The following GYG1 variants were observed in gnomAD, a reference collection of about 807,000 sequenced individuals.
GYG1 encodes glycogenin-1.
In GYG1, 44 loss-of-function variants were observed where a neutral mutation model predicts 41.9. The observed-to-expected ratio is 1.05, with a 90% confidence interval of 0.83 to 1.35. The LOEUF is 1.35. Ranked by LOEUF, GYG1 falls within the 40% of genes most tolerant of loss-of-function variation. The pLI is 0.00. For synonymous variants in GYG1, 141 were observed against 158.1 expected, an observed-to-expected ratio of 0.89 and a Z score of 0.81; for missense variants, 429 against 418.9, an observed-to-expected ratio of 1.02 and a Z score of -0.21.
At chr3:148,998,495 G>C (rs1406564368) in intron 4 of GYG1, among the ~76,000 whole-genome samples, 2 of 152,198 alleles carry the variant, frequency 1.3e-5, no homozygotes, top group African/African-American at 4.8e-5. Context: ...CAGTAGTGCT[G>C]AGGTTGCGAA....
chr3:149,001,243 G>C (rs1260043145), intron 4 of GYG1: 1 of 152,150 alleles, frequency 6.6e-6, no homozygotes. Flanking sequence ...GCACTAGGCT[G>C]CCTGTTCTAG....
In GYG1 at chr3:149,026,538, G is replaced by A. The variant is rs375853645; in HGVS notation, c.879+36G>A. 7 of 1,360,434 alleles carry A rather than the reference G, an allele frequency of 5.1e-6. No individual in the cohort carries two copies. The African/African-American group carries it at 7.1e-5, about 14-fold the overall frequency. 84.3% of individuals were successfully genotyped at this position (1,360,434 alleles called of 1,614,324 possible). ...CTTAAAGATTAACCCTAATTACTTT[G>A]TTCTCCCAATGTTTTCACTGAGTCA... On this transcript the variant is annotated intron_variant, in intron 7 of 7. Transcript: ENST00000345003.
chr3:148,994,631 ATTCCT>A (rs1281240748), intron 2 of GYG1, among the ~76,000 whole-genome samples: 8 of 152,200 alleles, frequency 5.3e-5, no homozygotes, highest in African/African-American at 1.9e-4. Context: ...ATTCATGGAC[ATTCCT>A]TTCCCAGGAT....
At chr3:149,015,656 G>A (rs760833864) in intron 5 of GYG1, among the ~76,000 whole-genome samples, 2 of 152,186 alleles carry the variant, frequency 1.3e-5, no homozygotes, top group Non-Finnish European at 2.9e-5. Flanking sequence ...GTCTGGTGGA[G>A]TGGTGGGGGA....
chr3:149,002,724 GT>G (rs2107894398), intron 4 of GYG1, among the ~76,000 whole-genome samples: 1 of 152,282 alleles, frequency 6.6e-6, no homozygotes, highest in Non-Finnish European at 1.5e-5. Context: ...TAGGAAGTTA[GT>G]TTTAAAAAGA....
Position 148,996,961 on chromosome 3 carries a change from G to C in GYG1, c.481+57G>C, listed in dbSNP as rs1030453518. ...CTGTTAATAGTAATTTCTAGGGGCT[G>C]CTCTTCTCAGGAATATAATTGCTGT... On this transcript the variant is annotated intron_variant, in intron 4 of 7. Transcript: ENST00000345003. 8.7e-6 allele frequency: 11 copies of C among 1,263,908 alleles called. No individual in the cohort carries two copies. The African/African-American group carries it at 1.6e-4, about 19-fold the overall frequency. 78.3% of individuals were successfully genotyped at this position (1,263,908 alleles called of 1,614,324 possible).
chr3:148,998,885 GAAGT>G (rs531888894), intron 4 of GYG1, among the ~76,000 whole-genome samples: 3 of 152,154 alleles, frequency 2.0e-5, no homozygotes, highest in Admixed American at 6.5e-5. Flanking sequence ...TAATTTGAAG[GAAGT>G]AAGTGTAATC....
chr3:148,991,553 T>TCCTCGCTGGCCGCGCTC lies in GYG1; in HGVS notation c.-83_-67dup. On this transcript the variant is annotated 5_prime_UTR_variant, in exon 1 of 8. Coordinates refer to ENST00000345003, the MANE Select transcript of GYG1 (RefSeq NM_004130.4). The stretch of plus-strand genomic sequence containing the variant: ...CAGACGCTCGGTTCCCCGCCGTGCC[T>TCCTCGCTGGCCGCGCTC]CCTCGCTGGCCGCGCTCCCTCCCGG... 6.6e-7 allele frequency: 1 copy of TCCTCGCTGGCCGCGCTC among 1,516,604 alleles called. No homozygotes were observed. Among genetic ancestry groups the TCCTCGCTGGCCGCGCTC allele is most frequent in the Admixed American group, 2.0e-5 (1 of 50,866 alleles). 93.9% of individuals were successfully genotyped at this position (1,516,604 alleles called of 1,614,324 possible). A position where few individuals can be genotyped will look rare whatever the true frequency, so the allele number is the denominator to read the frequency against.
intron 5 of GYG1, among the ~76,000 whole-genome samples, chr3:149,014,683 T>TA (rs376093069): frequency 0.03 from 4,382 of 145,142 alleles, 82 homozygotes; most frequent in South Asian, 0.071. Context: ...CTGACACTAC[T>TA]AAAAAAAAAA....
chr3:149,018,829 G>A (rs966701063), intron 5 of GYG1, among the ~76,000 whole-genome samples: 1 of 152,074 alleles, frequency 6.6e-6, no homozygotes, highest in South Asian at 2.1e-4. Flanking sequence ...AGCACTTTGG[G>A]AGGCAGAGGC....
chr3:149,021,080 C>A (rs1367401309), intron 5 of GYG1, among the ~76,000 whole-genome samples: 1 of 152,192 alleles, frequency 6.6e-6, no homozygotes, highest in African/African-American at 2.4e-5. Flanking sequence ...TCCCTGCCCC[C>A]ACTTCCTGCA....
chr3:148,997,459 A>G (rs1404570990), intron 4 of GYG1, among the ~76,000 whole-genome samples: 1 of 152,182 alleles, frequency 6.6e-6, no homozygotes, highest in Non-Finnish European at 1.5e-5. Context: ...AAAGTAGAAC[A>G]TTGGCAAAGT....
At chr3:149,019,068 T>TAA (rs67695680) in intron 5 of GYG1, among the ~76,000 whole-genome samples, 9,099 of 118,936 alleles carry the variant, frequency 0.077, 431 homozygotes, top group Middle Eastern at 0.14. Context: ...GACACTGTCT[T>TAA]AAAAAAAAAA....
At chr3:148,995,009 G>GTCTCTACTAAAAATACAAAACCTCA (rs1712707025) in intron 2 of GYG1, among the ~76,000 whole-genome samples, 1 of 152,108 alleles carries the variant, frequency 6.6e-6, no homozygotes, top group Non-Finnish European at 1.5e-5. Context: ...GGCGAAACCC[G>GTCTCTACTAAAAATACAAAACCTCA]TCTCTACTAA....
chr3:149,009,184 T>C, intron 4 of GYG1, 92 bp from the exon 5 acceptor site: 1 of 895,256 alleles, frequency 1.1e-6, no homozygotes, highest in East Asian at 2.6e-5. Context: ...ATGGAATTAG[T>C]GTCTATTTTT....
At position 148,996,728 on chromosome 3, in the gene GYG1, TCCC is replaced by T. The variant is rs764225115; in HGVS notation, c.319-12_319-10del. Reference sequence around the variant, plus strand: ...AAAAACATTTCTGTAATGCTCTTTCTCCCCTTTGATCAGGTCCTAGCAAATATT... The same window carrying T: ...AAAAACATTTCTGTAATGCTCTTTCTCTTTGATCAGGTCCTAGCAAATATT... On this transcript the variant is annotated splice_polypyrimidine_tract_variant and intron_variant, in intron 3 of 7. Coordinates refer to ENST00000345003, the MANE Select transcript of GYG1 (RefSeq NM_004130.4). 1 of 1,610,468 alleles carries T rather than the reference TCCC, an allele frequency of 6.2e-7. No individual in the cohort carries two copies. The highest frequency in any genetic ancestry group is 1.1e-5 in the South Asian group (1 of 91,012).
intron 4 of GYG1, among the ~76,000 whole-genome samples, chr3:149,000,436 T>C (rs570064204): frequency 8.1e-4 from 123 of 152,366 alleles, no homozygotes; most frequent in Middle Eastern, 3.4e-3. Flanking sequence ...CTTCTGGGCA[T>C]GTTAGCACTA....
intron 5 of GYG1, among the ~76,000 whole-genome samples, chr3:149,017,105 CTCA>C (rs1714092579): frequency 1.3e-5 from 2 of 152,192 alleles, no homozygotes; most frequent in Admixed American, 6.5e-5. Flanking sequence ...GTTCTGTAGT[CTCA>C]TCCACATGTT....
intron 5 of GYG1, among the ~76,000 whole-genome samples, chr3:149,012,379 C>G (rs1237819214): frequency 6.6e-6 from 1 of 152,136 alleles, no homozygotes; most frequent in Non-Finnish European, 1.5e-5. Context: ...ATGGAGTGGT[C>G]TGGAGCAACT....
Sources: allele counts gnomAD v4.1 joint callset (sites outside exome capture counted in the v4.1 genomes callset), GRCh38; gene constraint gnomAD v4.1.1; transcripts MANE v1.5; gene names NCBI Gene and HGNC (gene_info 2026-07-23, HGNC 2026-07-21).